The following DLG2 variants were observed in gnomAD, a reference collection of about 807,000 sequenced individuals.
DLG2 encodes the protein discs large MAGUK scaffold protein 2, also known as disks large homolog 2.
In DLG2, 45 loss-of-function variants were observed where a neutral mutation model predicts 132.5. The observed-to-expected ratio is 0.34, with a 90% CI of 0.27 to 0.44. The LOEUF is 0.44. Among genes scored for constraint, DLG2 ranks in the 20% least tolerant of loss-of-function variants. DLG2 has a pLI of 1.00. For missense variants in DLG2, 1,045 were observed against 1,196.9 expected (o/e 0.87, Z 1.87); for synonymous variants, 424 against 419.6 (o/e 1.01, Z -0.13).
chr11:84,757,783 T>C, intron 6 of DLG2, among the ~76,000 whole-genome samples: 1 of 152,184 alleles, frequency 6.6e-6, no homozygotes, highest in East Asian at 1.9e-4. Context: ...CACCATGCCA[T>C]GTTGCTTCCA....
At chr11:85,143,323 C>A (rs2076619778) in intron 5 of DLG2, among the ~76,000 whole-genome samples, 1 of 151,428 alleles carries the variant, frequency 6.6e-6, no homozygotes, top group South Asian at 2.1e-4. Flanking sequence ...TTTTCCAATT[C>A]TTTGGCATAT....
chr11:84,504,442 G>C (rs745768481), intron 7 of DLG2, among the ~76,000 whole-genome samples: 2 of 151,936 alleles, frequency 1.3e-5, no homozygotes, highest in Non-Finnish European at 2.9e-5. Context: ...ATTATCAAAC[G>C]CTGTTACCAC....
rs1408362303 is a variant in DLG2 at position 84,955,064 on chromosome 11, A to C, written c.357+156597T>G. 2.6e-4 allele frequency among the ~76,000 whole-genome samples: 40 copies of C among 152,332 alleles called. No homozygotes were observed. The East Asian group carries it at 7.5e-3, about 29-fold the overall frequency. ...TAAATGATACAAATTACTGTGTTTC[A>C]ATAAAACTTTGTTTACAAAAACAAA... On this transcript the variant is annotated intron_variant, in intron 6 of 27. Transcript: ENST00000376104.
At chr11:84,221,473 T>C (rs905738014) in intron 8 of DLG2, among the ~76,000 whole-genome samples, 6 of 151,878 alleles carry the variant, frequency 4.0e-5, no homozygotes, top group African/African-American at 1.5e-4. Context: ...CAAATAATAA[T>C]AATAATAATA....
intron 3 of DLG2, among the ~76,000 whole-genome samples, chr11:85,480,523 T>C (rs1447994048): frequency 6.6e-6 from 1 of 152,212 alleles, no homozygotes; most frequent in African/African-American, 2.4e-5. Flanking sequence ...AACATTTATA[T>C]GCAACTTAAA....
chr11:84,003,020 A>C (rs749680547), intron 11 of DLG2, among the ~76,000 whole-genome samples: 29 of 152,208 alleles, frequency 1.9e-4, no homozygotes, highest in Non-Finnish European at 2.6e-4. Context: ...TTTGCTGCTT[A>C]GAAATTTCTT....
At chr11:85,248,479 A>G (rs905170483) in intron 4 of DLG2, among the ~76,000 whole-genome samples, 1 of 152,068 alleles carries the variant, frequency 6.6e-6, no homozygotes, top group Non-Finnish European at 1.5e-5. Context: ...TTCAAAGTCA[A>G]AACAAAACTT....
intron 11 of DLG2, among the ~76,000 whole-genome samples, chr11:84,049,505 T>A (rs1479557461): frequency 6.6e-6 from 1 of 151,752 alleles, no homozygotes; most frequent in Non-Finnish European, 1.5e-5. Context: ...CCTTGCCACA[T>A]TGCTTTGATG....
intron 3 of DLG2, among the ~76,000 whole-genome samples, chr11:85,396,262 C>A (rs1368314725): frequency 6.6e-6 from 1 of 152,092 alleles, no homozygotes; most frequent in Admixed American, 6.5e-5. Context: ...CACCGAAACC[C>A]CATCTTTAGG....
At chr11:85,587,060 G>A (rs548723297) in intron 3 of DLG2, among the ~76,000 whole-genome samples, 1 of 152,154 alleles carries the variant, frequency 6.6e-6, no homozygotes, top group African/African-American at 2.4e-5. Context: ...GTCTGAGAGG[G>A]TACTTGATAT....
intron 7 of DLG2, among the ~76,000 whole-genome samples, chr11:84,350,866 C>A (rs539337705): frequency 6.6e-6 from 1 of 152,138 alleles, no homozygotes. Context: ...ACTCTAAAAT[C>A]TGTCTTTGAA....
chr11:83,884,473 C>A (rs1291842645), intron 15 of DLG2, among the ~76,000 whole-genome samples: 1 of 152,166 alleles, frequency 6.6e-6, no homozygotes, highest in East Asian at 1.9e-4. Context: ...CACCACAGCT[C>A]AAGGAGGCCT....
At chr11:84,866,910 T>C (rs985447778) in intron 6 of DLG2, among the ~76,000 whole-genome samples, 1 of 152,244 alleles carries the variant, frequency 6.6e-6, no homozygotes, top group Non-Finnish European at 1.5e-5. Flanking sequence ...GTGTTATATC[T>C]GTCTTTTTAG....
At chr11:84,206,810 A>G (rs1451102241) in intron 8 of DLG2, among the ~76,000 whole-genome samples, 1 of 151,990 alleles carries the variant, frequency 6.6e-6, no homozygotes, top group Non-Finnish European at 1.5e-5. Flanking sequence ...AATAATGCAT[A>G]AAAATGACTT....
intron 6 of DLG2, among the ~76,000 whole-genome samples, chr11:84,724,372 G>A (rs987207144): frequency 6.6e-6 from 1 of 152,070 alleles, no homozygotes; most frequent in Non-Finnish European, 1.5e-5. Context: ...CTATTTGATA[G>A]GCACTAATAT....
chr11:84,568,555 T>C (rs1164794179), intron 6 of DLG2, among the ~76,000 whole-genome samples: 2 of 152,154 alleles, frequency 1.3e-5, no homozygotes, highest in African/African-American at 4.8e-5. Flanking sequence ...AAAGCTGAGC[T>C]GGTCACCTTC....
chr11:85,483,698 C>T (rs889863121), intron 3 of DLG2, among the ~76,000 whole-genome samples: 2 of 151,936 alleles, frequency 1.3e-5, no homozygotes, highest in Non-Finnish European at 2.9e-5. Context: ...AATCCCAGAA[C>T]TTTGGGATGC....
intron 7 of DLG2, among the ~76,000 whole-genome samples, chr11:84,465,246 A>G (rs960273605): frequency 1.3e-5 from 2 of 151,246 alleles, no homozygotes; most frequent in African/African-American, 4.8e-5. Context: ...TGGCATGCCA[A>G]CCCACCAAGA....
chr11:83,727,621 T>C (rs971847189), intron 18 of DLG2, among the ~76,000 whole-genome samples: 3 of 152,204 alleles, frequency 2.0e-5, no homozygotes, highest in Admixed American at 6.5e-5. Context: ...CTGCTTCCTA[T>C]TCTGTTCAAA....
Sources: allele counts gnomAD v4.1 joint callset (sites outside exome capture counted in the v4.1 genomes callset), GRCh38; gene constraint gnomAD v4.1.1; transcripts MANE v1.5; gene names NCBI Gene and HGNC (gene_info 2026-07-23, HGNC 2026-07-21).